SLC36A4: variants seen among roughly 807,000 people sequenced by gnomAD.
SLC36A4 encodes solute carrier family 36 member 4.
In SLC36A4, 49 loss-of-function variants were observed where a neutral mutation model predicts 50.5. The observed-to-expected ratio is 0.97, with a 90% CI of 0.77 to 1.23. The LOEUF is 1.23. Ranked by LOEUF, SLC36A4 falls within the 50% of genes most tolerant of loss-of-function variation. The pLI, the probability that SLC36A4 is intolerant of heterozygous loss-of-function variation, is 0.00. For missense variants in SLC36A4, 611 were observed against 608.4 expected (o/e 1.00, Z -0.05); for synonymous variants, 207 against 206.5 (o/e 1.00, Z -0.02).
chr11:93,168,005 G>T lies in SLC36A4; in HGVS notation c.707C>A (p.Ser236Ter). The T allele has an allele frequency of 6.2e-7, 1 of 1,612,582 alleles. No individual in the cohort carries two copies. The highest frequency in any genetic ancestry group is 8.5e-7 in the Non-Finnish European group (1 of 1,179,114). Residue 236 changes from serine to a stop codon, truncating the protein, a stop_gained, in exon 7 of 11, where the codon TCA (serine) becomes TAA (stop). Coordinates refer to ENST00000326402, the MANE Select transcript of SLC36A4 (RefSeq NM_152313.4). LOFTEE classifies it high-confidence loss of function. ...AGCCATGGAAACGTTGGCAAGGAATGAAAGTACAAATAGATTCTTTAGTTC... is the reference window on the plus strand; with the variant it reads ...AGCCATGGAAACGTTGGCAAGGAATTAAAGTACAAATAGATTCTTTAGTTC... ...IRELKNLFVL[S>*]FLANVSMAVS...
Position 93,167,958 on chromosome 11 carries a change from G to C in SLC36A4, c.754C>G (p.Gln252Glu). 1 of 1,605,640 alleles carries C rather than the reference G, an allele frequency of 6.2e-7. No homozygotes were observed. The highest frequency in any genetic ancestry group is 8.5e-7 in the Non-Finnish European group (1 of 1,176,158). Reference protein sequence around the residue: ...SMAVSLVIIYQYVVRNMPDPH... With the variant: ...SMAVSLVIIYEYVVRNMPDPH... ...TTTATACTTACCCTGACAACATACT[G>C]GTAAATTATCACAAGACTGACAGCC... The change falls in exon 7 of 11, where the codon CAG (glutamine) becomes GAG (glutamate). Residue 252 changes from glutamine (Q) to glutamate (E), a missense_variant. Gln to Glu is a conservative substitution (Grantham distance 29). Transcript: ENST00000326402.
Position 93,148,642 on chromosome 11 carries a change from T to G in SLC36A4, c.1410A>C (p.Ile470=). 6.2e-7 allele frequency: 1 copy of G among 1,612,772 alleles called. No individual in the cohort carries two copies. The highest frequency in any genetic ancestry group is 8.5e-7 in the Non-Finnish European group (1 of 1,179,212). ...TAGGATAAATAATTTCTTCAACAGTTATATATGTACCTAATAAGAAGCCAA... is the reference window on the plus strand; with the variant it reads ...TAGGATAAATAATTTCTTCAACAGTGATATATGTACCTAATAAGAAGCCAA... ...GVVGFLLGTY[I]TVEEIIYPTP... Residue 470 remains isoleucine (I), a synonymous_variant, in exon 11 of 11, where the codon ATA becomes ATC. Transcript: ENST00000326402.
chr11:93,154,538 C>T (rs1441560737), intron 9 of SLC36A4: 3 of 190,074 alleles, frequency 1.6e-5, no homozygotes, highest in African/African-American at 7.0e-5. Context: ...AAAGATTTCA[C>T]TTTGGGATAA....
At position 93,145,677 on chromosome 11, in the gene SLC36A4, A is replaced by T. The variant is rs1401951209; in HGVS notation, c.*2860T>A. ...GGCAACTGATTAACTTTCAGGGAAT[A>T]GTTCTTCACTGTGGTGGCCAACAAA... On this transcript the variant is annotated 3_prime_UTR_variant, in exon 11 of 11. Transcript: ENST00000326402. 1 of 152,084 alleles carries T rather than the reference A, an allele frequency of 6.6e-6. No individual in the cohort carries two copies. The highest frequency in any genetic ancestry group is 6.6e-5 in the Admixed American group (1 of 15,254). The allele number at this position is 152,084 out of a possible 1,614,324, so 9.4% of individuals were successfully genotyped here. A position where few individuals can be genotyped will look rare whatever the true frequency, so the allele number is the denominator to read the frequency against.
chr11:93,183,464 T>C (rs1470816643), intron 3 of SLC36A4, among the ~76,000 whole-genome samples: 1 of 152,120 alleles, frequency 6.6e-6, no homozygotes, highest in East Asian at 1.9e-4. Context: ...ATTTTTATAA[T>C]CAAAAGTTTT....
chr11:93,189,656 A>G (rs1472921448), intron 1 of SLC36A4, among the ~76,000 whole-genome samples: 1 of 152,184 alleles, frequency 6.6e-6, no homozygotes, highest in African/African-American at 2.4e-5. Context: ...AGTGTGCAGT[A>G]TGTTCTGTGC....
intron 9 of SLC36A4, among the ~76,000 whole-genome samples, chr11:93,159,414 G>A (rs1860519534): frequency 6.6e-6 from 1 of 152,156 alleles, no homozygotes; most frequent in African/African-American, 2.4e-5. Flanking sequence ...TGGGAAATAA[G>A]TTGGTGACTG....
At chr11:93,178,534 G>A (rs1399182549) in intron 6 of SLC36A4, among the ~76,000 whole-genome samples, 1 of 152,128 alleles carries the variant, frequency 6.6e-6, no homozygotes, top group Non-Finnish European at 1.5e-5. Flanking sequence ...CCGGCGAGTA[G>A]TTTAATTTTT....
At chr11:93,180,368 C>T (rs1861683480) in intron 6 of SLC36A4, 1 of 966,740 alleles carries the variant, frequency 1.0e-6, no homozygotes, top group Non-Finnish European at 1.2e-6. Context: ...GACACAGTGT[C>T]TTTTTACACA....
chr11:93,154,186 C>T lies in SLC36A4; in HGVS notation c.1129G>A (p.Gly377Arg). The change falls in exon 10 of 11, where the codon GGG becomes AGG. Residue 377 changes from glycine to arginine, a missense_variant. Coordinates refer to ENST00000326402, the MANE Select transcript of SLC36A4 (RefSeq NM_152313.4). ...TTAGTATGAAATTTGGATGTGATCC[C>T]AGGGATAATGATCTCTGCTGGAACA... The part of the protein sequence containing the change: ...FYVPAEIIIP[G>R]ITSKFHTKWK... 1.3e-6 allele frequency: 2 copies of T among 1,564,462 alleles called. No homozygotes were observed. Among genetic ancestry groups the T allele is most frequent in the Non-Finnish European group, 1.7e-6 (2 of 1,158,858 alleles).
In SLC36A4 at chr11:93,151,077, T is replaced by A. The variant is rs1458013209; in HGVS notation, c.1208-2233A>T. ...ATCTAAAATCTGTTTAAAGTCAGAT[T>A]TTAAACATTATATTACCAAAAGATA... On this transcript the variant is annotated intron_variant, in intron 10 of 10. Transcript: ENST00000326402. Among the ~76,000 whole-genome samples, 4 of 152,158 alleles carry A rather than the reference T, an allele frequency of 2.6e-5. No individual in the cohort carries two copies. In the South Asian group the frequency reaches 6.2e-4, roughly 24 times the overall value.
At chr11:93,177,829 CAT>C (rs1272374264) in intron 6 of SLC36A4, among the ~76,000 whole-genome samples, 5 of 152,194 alleles carry the variant, frequency 3.3e-5, no homozygotes, top group Non-Finnish European at 5.9e-5. Context: ...CAGGGACCCA[CAT>C]GAGGAGGCAG....
intron 6 of SLC36A4, among the ~76,000 whole-genome samples, chr11:93,174,078 A>C (rs899102422): frequency 6.6e-6 from 1 of 151,244 alleles, no homozygotes; most frequent in South Asian, 2.1e-4. Flanking sequence ...CCTACCCATG[A>C]GCATGGAATG....
intron 1 of SLC36A4, among the ~76,000 whole-genome samples, chr11:93,193,280 T>C (rs1862290421): frequency 6.6e-6 from 1 of 152,084 alleles, no homozygotes; most frequent in Admixed American, 6.6e-5. Flanking sequence ...CAACTCAACA[T>C]AGTAAACAGA....
At chr11:93,189,447 T>G (rs1370949492) in intron 1 of SLC36A4, among the ~76,000 whole-genome samples, 2 of 151,862 alleles carry the variant, frequency 1.3e-5, no homozygotes, top group Non-Finnish European at 2.9e-5. Flanking sequence ...ACATATAAAT[T>G]GAGGGGTGGG....
At chr11:93,194,404 C>A (rs1237857917) in intron 1 of SLC36A4, among the ~76,000 whole-genome samples, 1 of 151,876 alleles carries the variant, frequency 6.6e-6, no homozygotes, top group African/African-American at 2.4e-5. Context: ...AAATAAGAAC[C>A]ATTACTATTT....
rs1402393194 is a variant in SLC36A4, at chr11:93,184,439, T to G, written c.261A>C (p.Ala87=). The G allele has an allele frequency of 8.7e-6, 14 of 1,601,802 alleles. No individual in the cohort carries two copies. The highest frequency in any genetic ancestry group is 2.2e-5 in the East Asian group (1 of 44,698). The change falls in exon 3 of 11, where the codon GCA becomes GCC. Residue 87 remains alanine, a synonymous_variant. Transcript: ENST00000326402. ...CAAAGATAAGTCTTACCACTATGCCTGCATTTTTTATTGCCAATGGAAGTC... is the reference window on the plus strand; with the variant it reads ...CAAAGATAAGTCTTACCACTATGCCGGCATTTTTTATTGCCAATGGAAGTC... The part of the protein sequence containing the change: ...LLGLPLAIKN[A]GIVLGPISLV...
intron 6 of SLC36A4, among the ~76,000 whole-genome samples, chr11:93,172,155 A>C (rs967721772): frequency 6.6e-6 from 1 of 152,186 alleles, no homozygotes; most frequent in African/African-American, 2.4e-5. Context: ...GAAAAAAATA[A>C]TAAAATGAGG....
In SLC36A4 at chr11:93,197,891, C is replaced by T. The variant is rs11020197; in HGVS notation, c.-59G>A. On this transcript the variant is annotated 5_prime_UTR_variant, in exon 1 of 11. Coordinates refer to ENST00000326402, the MANE Select transcript of SLC36A4 (RefSeq NM_152313.4). The stretch of plus-strand genomic sequence containing the variant: ...TGCTCACTCTCCCGCCGCTGCGTGG[C>T]CGGCGTCAGGCCCAGGCCTACCTCC... 0.17 allele frequency: 249,865 copies of T among 1,484,410 alleles called. 25,981 individuals are homozygous for T. Among genetic ancestry groups the T allele is most frequent in the East Asian group, 0.44 (16,372 of 37,276 alleles). The allele number at this position is 1,484,410 out of a possible 1,614,324, so 92.0% of individuals were successfully genotyped here.
Sources: gnomAD v4.1 joint callset for allele counts (sites outside exome capture counted in the v4.1 genomes callset) on GRCh38, gnomAD v4.1.1 for gene constraint, MANE v1.5 for transcripts, NCBI Gene and HGNC (gene_info 2026-07-23, HGNC 2026-07-21) for gene names.